The following VWC2L variants were observed in gnomAD, a reference collection of about 807,000 sequenced individuals.
The protein encoded by VWC2L is von Willebrand factor C domain containing 2 like.
In VWC2L, 10 loss-of-function variants were observed where a neutral mutation model predicts 21.6. The ratio of observed to expected loss-of-function variants is 0.46; its 90% CI spans 0.29 to 0.78. VWC2L has a LOEUF of 0.78. Ranked by LOEUF, VWC2L falls within the 30% of genes least tolerant of loss-of-function variation. The pLI is 0.10. For missense variants in VWC2L, 209 were observed against 277.1 expected (o/e 0.75, Z 1.74); for synonymous variants, 96 against 94.3 (o/e 1.02, Z -0.10).
intron 3 of VWC2L, among the ~76,000 whole-genome samples, chr2:214,492,025 A>G (rs894658561): frequency 6.6e-6 from 1 of 152,194 alleles, no homozygotes; most frequent in African/African-American, 2.4e-5. Context: ...TATGCCAAAG[A>G]TATAAAAGAG....
chr2:214,518,489 T>C (rs187837650), intron 3 of VWC2L, among the ~76,000 whole-genome samples: 39 of 152,276 alleles, frequency 2.6e-4, no homozygotes, highest in African/African-American at 6.0e-4. Context: ...TAGGGTTCAA[T>C]TGGGGAGAAC....
chr2:214,507,007 C>A (rs1688976994), intron 3 of VWC2L, among the ~76,000 whole-genome samples: 1 of 151,584 alleles, frequency 6.6e-6, no homozygotes, highest in South Asian at 2.1e-4. Flanking sequence ...AAAAAATGAG[C>A]TATTTAATTA....
chr2:214,413,566 T>C (rs1574551184), intron 1 of VWC2L, among the ~76,000 whole-genome samples: 1 of 152,288 alleles, frequency 6.6e-6, no homozygotes, highest in Middle Eastern at 3.4e-3. Context: ...CCATTGTTGT[T>C]CTTTAATTAT....
intron 3 of VWC2L, among the ~76,000 whole-genome samples, 198 bp from the exon 4 acceptor site, chr2:214,575,474 G>A (rs887737898): frequency 2.6e-5 from 4 of 152,030 alleles, no homozygotes; most frequent in Non-Finnish European, 4.4e-5. Context: ...CAATATACAC[G>A]GGAAATATGA....
rs1306378215 is a variant in VWC2L at position 214,576,634 on chromosome 2, G to A, written c.*814G>A. ...TAATCATCAGACTTTTTCATGATGT[G>A]AAATTTGAGTTTGGTTTGTAGCTAA... On this transcript the variant is annotated 3_prime_UTR_variant, in exon 4 of 4. Coordinates refer to ENST00000312504, the MANE Select transcript of VWC2L (RefSeq NM_001080500.4). The A allele has an allele frequency of 6.6e-6, 1 of 152,168 alleles. No individual in the cohort carries two copies. The allele number at this position is 152,168 out of a possible 1,614,324, so 9.4% of individuals were successfully genotyped here. A position where few individuals can be genotyped will look rare whatever the true frequency, so the allele number is the denominator to read the frequency against.
At chr2:214,436,892 A>AT in intron 3 of VWC2L, 134 bp downstream of exon 3, 1 of 1,034,740 alleles carries the variant, frequency 9.7e-7, no homozygotes, top group South Asian at 1.8e-5. Context: ...GCGGATGTAT[A>AT]TTTTTATCCC....
intron 2 of VWC2L, among the ~76,000 whole-genome samples, chr2:214,430,403 A>T (rs1702582717): frequency 6.6e-6 from 1 of 152,188 alleles, no homozygotes; most frequent in Non-Finnish European, 1.5e-5. Flanking sequence ...TAAAAACATC[A>T]AAATATGTGT....
Position 214,496,245 on chromosome 2 carries a change from T to TTATTTTGGGACATATATATATATA in VWC2L, c.520+59490_520+59491insTTTGGGACATATATATATATATAT, listed in dbSNP as rs1553594758. On this transcript the variant is annotated intron_variant, in intron 3 of 3. Coordinates refer to ENST00000312504, the MANE Select transcript of VWC2L (RefSeq NM_001080500.4). ...ACAATCAAAATAAGGTATTACAATC[T>TTATTTTGGGACATATATATATATA]TATGGGACAACTCTCATATAAGTAA... Among the ~76,000 whole-genome samples the TTATTTTGGGACATATATATATATA allele has an allele frequency of 2.0e-4, 28 of 142,550 alleles. 1 individual carries two copies. The highest frequency in any genetic ancestry group is 5.9e-4 in the African/African-American group (23 of 38,754). The allele number at this position is 142,550 out of a possible 152,430, so 93.5% of individuals were successfully genotyped here.
chr2:214,480,864 C>CAAAAAAAAAAAAAAA (rs59720596), intron 3 of VWC2L, among the ~76,000 whole-genome samples: 11 of 71,754 alleles, frequency 1.5e-4, no homozygotes, highest in African/African-American at 5.4e-4. Flanking sequence ...TATGCCAAGC[C>CAAAAAAAAAAAAAAA]AAAAAAAAAA....
chr2:214,498,283 A>C (rs540992025), intron 3 of VWC2L, among the ~76,000 whole-genome samples: 2 of 152,156 alleles, frequency 1.3e-5, no homozygotes, highest in Admixed American at 6.5e-5. Flanking sequence ...GGACATAGAG[A>C]AAAACTCTTT....
At chr2:214,511,346 CTCAAATTCAT>C (rs1689049653) in intron 3 of VWC2L, among the ~76,000 whole-genome samples, 1 of 152,134 alleles carries the variant, frequency 6.6e-6, no homozygotes, top group Admixed American at 6.6e-5. Context: ...GTGGTCCCCC[CTCAAATTCAT>C]ATGGAAGCCC....
At chr2:214,501,394 G>A (rs1559309981) in intron 3 of VWC2L, among the ~76,000 whole-genome samples, 5 of 152,136 alleles carry the variant, frequency 3.3e-5, no homozygotes, top group South Asian at 4.1e-4. Flanking sequence ...ATACCCTTAC[G>A]TGTACCTGCC....
At chr2:214,538,233 A>G (rs1375033634) in intron 3 of VWC2L, among the ~76,000 whole-genome samples, 4 of 152,002 alleles carry the variant, frequency 2.6e-5, no homozygotes, top group African/African-American at 9.7e-5. Context: ...CTGTTCATTC[A>G]CTCACAGACC....
Position 214,440,475 on chromosome 2 carries a change from C to T in VWC2L, c.520+3717C>T, listed in dbSNP as rs539882450. 1.6e-3 allele frequency among the ~76,000 whole-genome samples: 248 copies of T among 151,992 alleles called. 1 individual carries two copies. Among genetic ancestry groups the T allele is most frequent in the Admixed American group, 3.5e-3 (54 of 15,270 alleles). On this transcript the variant is annotated intron_variant, in intron 3 of 3. Coordinates refer to ENST00000312504, the MANE Select transcript of VWC2L (RefSeq NM_001080500.4). ...AGGCCTTTCCATGTGAATTAATGAG[C>T]ACTCTTTATGGATTTTTGTTTTTAT...
At chr2:214,451,308 T>TC (rs71399133) in intron 3 of VWC2L, among the ~76,000 whole-genome samples, 2,028 of 112,064 alleles carry the variant, frequency 0.018, 46 homozygotes, top group Non-Finnish European at 0.03. Flanking sequence ...TGGGTCGGTG[T>TC]GGGGGGGGGG....
chr2:214,553,868 A>G (rs1443488589), intron 3 of VWC2L, among the ~76,000 whole-genome samples: 1 of 152,098 alleles, frequency 6.6e-6, no homozygotes, highest in Admixed American at 6.5e-5. Context: ...TACAGCACAA[A>G]CATGATACAA....
chr2:214,552,835 G>C (rs547501546), intron 3 of VWC2L, among the ~76,000 whole-genome samples: 2 of 152,198 alleles, frequency 1.3e-5, no homozygotes, highest in South Asian at 4.2e-4. Context: ...ATATTCGACT[G>C]CTTAATTTAA....
intron 3 of VWC2L, among the ~76,000 whole-genome samples, chr2:214,488,424 C>T (rs1042173743): frequency 2.0e-5 from 3 of 152,060 alleles, no homozygotes; most frequent in African/African-American, 7.2e-5. Context: ...ATGGCAAAAC[C>T]CTGTCTCTAC....
intron 3 of VWC2L, among the ~76,000 whole-genome samples, chr2:214,572,457 C>T (rs2105934995): frequency 6.6e-6 from 1 of 152,266 alleles, no homozygotes; most frequent in African/African-American, 2.4e-5. Context: ...AAATACGTTG[C>T]TTTGCCATTG....
Sources: gnomAD v4.1 joint callset for allele counts (sites outside exome capture counted in the v4.1 genomes callset) on GRCh38, gnomAD v4.1.1 for gene constraint, MANE v1.5 for transcripts, NCBI Gene and HGNC (gene_info 2026-07-23, HGNC 2026-07-21) for gene names.